The following CCSER1 variants were observed in gnomAD, a reference collection of about 807,000 sequenced individuals.
CCSER1 encodes the protein serine-rich coiled-coil domain-containing protein 1.
A neutral mutation model predicts 82.0 loss-of-function variants in CCSER1; 41 were observed. The ratio of observed to expected loss-of-function variants is 0.50; its 90% CI spans 0.39 to 0.65. CCSER1 has a LOEUF of 0.65. CCSER1 is among the 30% of genes least tolerant of loss of function. The pLI is 0.00. For missense variants in CCSER1, 1,119 were observed against 1,064.2 expected, an observed-to-expected ratio of 1.05 and a Z score of -0.72; for synonymous variants, 414 against 383.9, an observed-to-expected ratio of 1.08 and a Z score of -0.92.
chr4:90,257,999 G>T (rs1174027704), intron 1 of CCSER1, among the ~76,000 whole-genome samples: 1 of 152,084 alleles, frequency 6.6e-6, no homozygotes, highest in Non-Finnish European at 1.5e-5. Context: ...CCAAATACCT[G>T]GGCAGTCTGT....
intron 10 of CCSER1, among the ~76,000 whole-genome samples, chr4:91,144,804 T>A (rs1988476): frequency 0.73 from 110,702 of 151,792 alleles, 40,643 homozygotes; most frequent in Non-Finnish European, 0.78. Context: ...TCTAGTTTTT[T>A]TTCTACTGTG....
At chr4:91,363,903 A>G (rs1457588547) in intron 10 of CCSER1, among the ~76,000 whole-genome samples, 1 of 151,720 alleles carries the variant, frequency 6.6e-6, no homozygotes, top group Non-Finnish European at 1.5e-5. Flanking sequence ...GCTGTCACAA[A>G]TGAGACTCTA....
intron 4 of CCSER1, among the ~76,000 whole-genome samples, chr4:90,422,919 A>G (rs765580418): frequency 1.9e-4 from 29 of 152,174 alleles, no homozygotes; most frequent in Non-Finnish European, 4.3e-4. Flanking sequence ...TTACTGAGAG[A>G]TGGATTAAAT....
intron 1 of CCSER1, among the ~76,000 whole-genome samples, chr4:90,268,414 A>G (rs1368810965): frequency 6.6e-6 from 1 of 152,212 alleles, no homozygotes; most frequent in African/African-American, 2.4e-5. Context: ...GTTAAAGTGC[A>G]GAGTTTATAT....
intron 10 of CCSER1, among the ~76,000 whole-genome samples, chr4:91,531,701 G>C (rs982269996): frequency 6.6e-6 from 1 of 152,166 alleles, no homozygotes; most frequent in Non-Finnish European, 1.5e-5. Context: ...TGTTGGGAAA[G>C]GACTTGCTCT....
chr4:91,283,299 A>G (rs72877076), intron 10 of CCSER1, among the ~76,000 whole-genome samples: 3,156 of 152,212 alleles, frequency 0.021, 110 homozygotes, highest in African/African-American at 0.072. Flanking sequence ...CCTTTATTAA[A>G]TAATGCTGCT....
At chr4:90,810,902 G>A (rs1206866271) in intron 7 of CCSER1, among the ~76,000 whole-genome samples, 1 of 137,608 alleles carries the variant, frequency 7.3e-6, no homozygotes, top group African/African-American at 2.7e-5. Flanking sequence ...GCGCGATCTC[G>A]GCTCACTACA....
At chr4:91,028,059 A>G (rs1462751799) in intron 9 of CCSER1, among the ~76,000 whole-genome samples, 3 of 152,058 alleles carry the variant, frequency 2.0e-5, no homozygotes, top group Non-Finnish European at 4.4e-5. Flanking sequence ...CTAATGATGT[A>G]TTAGAGTAAA....
chr4:91,311,833 A>G (rs368440586), intron 10 of CCSER1, among the ~76,000 whole-genome samples: 34 of 151,934 alleles, frequency 2.2e-4, no homozygotes, highest in African/African-American at 7.7e-4. Flanking sequence ...TTTTCAATAA[A>G]TTTTCCTTTT....
rs1470105499 is a variant in CCSER1, at chr4:90,271,860, ATATTTTTTTTTTT to A, written c.-41-36382_-41-36370del. Among the ~76,000 whole-genome samples, 46 of 22,216 alleles carry A rather than the reference ATATTTTTTTTTTT, an allele frequency of 2.1e-3. No homozygotes were observed. The East Asian group carries it at 0.034, about 17-fold the overall frequency. 14.6% of individuals were successfully genotyped at this position (22,216 alleles called of 152,430 possible). The stretch of plus-strand genomic sequence containing the variant: ...TATATATATATATATATATATATAT[ATATTTTTTTTTTT>A]TTTTTTTTTTTTTTTTTAAAAGGAG... On this transcript the variant is annotated intron_variant, in intron 1 of 10. Transcript: ENST00000509176.
intron 1 of CCSER1, 80 bp from the exon 2 acceptor site, chr4:90,308,164 A>T (rs1734644163): frequency 9.2e-7 from 1 of 1,089,000 alleles, no homozygotes; most frequent in Non-Finnish European, 1.2e-6. Flanking sequence ...TTGTGTCTCG[A>T]AAAGCAATAT....
At chr4:91,369,415 C>T (rs549634059) in intron 10 of CCSER1, among the ~76,000 whole-genome samples, 42 of 152,110 alleles carry the variant, frequency 2.8e-4, no homozygotes, top group Non-Finnish European at 4.6e-4. Context: ...TAATATAATT[C>T]TCATTTTTGC....
At chr4:90,673,493 A>T (rs747747170) in intron 6 of CCSER1, among the ~76,000 whole-genome samples, 3 of 151,986 alleles carry the variant, frequency 2.0e-5, no homozygotes, top group Non-Finnish European at 4.4e-5. Flanking sequence ...GTAAAACATA[A>T]TGTGGATCAA....
At chr4:91,226,245 A>T (rs1457100398) in intron 10 of CCSER1, among the ~76,000 whole-genome samples, 1 of 152,008 alleles carries the variant, frequency 6.6e-6, no homozygotes, top group African/African-American at 2.4e-5. Context: ...GCAGCAAATG[A>T]TGGTGATTCA....
rs114856533 is a variant in CCSER1 at position 90,249,808 on chromosome 4, G to A, written c.-41-58436G>A. On this transcript the variant is annotated intron_variant, in intron 1 of 10. Transcript: ENST00000509176. ...ATAATGCTGCTATGAACATTCATGC[G>A]CAACTGCCAACATGTTTTTCAACAC... Among the ~76,000 whole-genome samples, 1,035 of 151,982 alleles carry A rather than the reference G, an allele frequency of 6.8e-3. 9 individuals carry two copies. Among genetic ancestry groups the A allele is most frequent in the African/African-American group, 0.024 (1,001 of 41,434 alleles).
In CCSER1 at chr4:90,771,037, C is replaced by T. The variant is rs542872354; in HGVS notation, c.2011-44725C>T. 3.9e-5 allele frequency among the ~76,000 whole-genome samples: 6 copies of T among 152,140 alleles called. No individual in the cohort carries two copies. The East Asian group carries it at 5.8e-4, about 15-fold the overall frequency. ...TCATTCAGGAACTCATGATTATCCT[C>T]CAAGTACAGAATATCTGTTTGCATG... On this transcript the variant is annotated intron_variant, in intron 7 of 10. Transcript: ENST00000509176.
At chr4:90,479,445 T>A (rs945152084) in intron 5 of CCSER1, among the ~76,000 whole-genome samples, 6 of 152,240 alleles carry the variant, frequency 3.9e-5, no homozygotes, top group Admixed American at 6.5e-5. Flanking sequence ...TTGTTACATA[T>A]ATACATGTGC....
chr4:90,614,891 G>A (rs926647234), intron 5 of CCSER1, among the ~76,000 whole-genome samples: 4 of 152,172 alleles, frequency 2.6e-5, no homozygotes, highest in Admixed American at 2.0e-4. Context: ...GATGCCATCT[G>A]GGACTTTCAT....
At chr4:90,442,437 C>T (rs1560524112) in intron 4 of CCSER1, among the ~76,000 whole-genome samples, 2 of 152,166 alleles carry the variant, frequency 1.3e-5, no homozygotes, top group Admixed American at 6.6e-5. Flanking sequence ...ATTAAACTTA[C>T]GGCAACAGGG....
Sources: gnomAD v4.1 joint callset for allele counts (sites outside exome capture counted in the v4.1 genomes callset) on GRCh38, gnomAD v4.1.1 for gene constraint, MANE v1.5 for transcripts, NCBI Gene and HGNC (gene_info 2026-07-23, HGNC 2026-07-21) for gene names.